Variants in TNNI3K observed in about 807,000 individuals in gnomAD.
TNNI3K encodes TNNI3 interacting kinase.
A neutral mutation model predicts 114.5 loss-of-function variants in TNNI3K; 140 were observed. The ratio of observed to expected loss-of-function variants is 1.22; its 90% CI spans 1.07 to 1.41. The LOEUF (loss-of-function observed/expected upper bound fraction) is 1.41. TNNI3K is among the 40% of genes most tolerant of loss of function. The probability of loss-of-function intolerance (pLI) is 0.00; values close to 1 mark genes in which losing one functional copy is unlikely to be tolerated. For missense variants in TNNI3K, 1,125 were observed against 1,007.6 expected, an observed-to-expected ratio of 1.12 and a Z score of -1.58; for synonymous variants, 347 against 347.5, an observed-to-expected ratio of 1.00 and a Z score of 0.02.
intron 2 of TNNI3K, among the ~76,000 whole-genome samples, chr1:74,245,922 C>G (rs995974282): frequency 6.6e-6 from 1 of 152,176 alleles, no homozygotes; most frequent in Non-Finnish European, 1.5e-5. Flanking sequence ...GGGAAACACA[C>G]CTCAACTTGC....
intron 23 of TNNI3K, among the ~76,000 whole-genome samples, chr1:74,525,479 C>A (rs1337556704): frequency 6.6e-6 from 1 of 152,092 alleles, no homozygotes; most frequent in Non-Finnish European, 1.5e-5. Context: ...GACCACTTGG[C>A]CAACTGCATA....
chr1:74,247,023 A>G (rs1286050540), intron 2 of TNNI3K, among the ~76,000 whole-genome samples: 3 of 152,198 alleles, frequency 2.0e-5, no homozygotes, highest in Non-Finnish European at 4.4e-5. Flanking sequence ...AAAATAATAT[A>G]TGTGACAATA....
intron 2 of TNNI3K, among the ~76,000 whole-genome samples, chr1:74,245,149 G>A (rs944210174): frequency 6.6e-6 from 1 of 152,118 alleles, no homozygotes; most frequent in South Asian, 2.1e-4. Flanking sequence ...AGAAAGGTGG[G>A]GGGAAGTAGC....
At chr1:74,355,025 A>C (rs1661577889) in intron 11 of TNNI3K, among the ~76,000 whole-genome samples, 1 of 152,144 alleles carries the variant, frequency 6.6e-6, no homozygotes, top group South Asian at 2.1e-4. Context: ...ATACACATAC[A>C]CTCCTAAGGA....
At chr1:74,313,012 C>A (rs111538342) in intron 5 of TNNI3K, among the ~76,000 whole-genome samples, 1 of 152,206 alleles carries the variant, frequency 6.6e-6, no homozygotes, top group African/African-American at 2.4e-5. Context: ...AGTATTCAAA[C>A]AGCCTCAGTC....
chr1:74,446,257 T>C (rs376007497), intron 20 of TNNI3K, among the ~76,000 whole-genome samples: 1 of 151,138 alleles, frequency 6.6e-6, no homozygotes, highest in Non-Finnish European at 1.5e-5. Flanking sequence ...TGGTATCTCA[T>C]AGTGGTTTTG....
chr1:74,325,694 G>T (rs1231713914), intron 5 of TNNI3K, among the ~76,000 whole-genome samples: 1 of 152,090 alleles, frequency 6.6e-6, no homozygotes, highest in Middle Eastern at 3.2e-3. Flanking sequence ...TAGGAGGTGA[G>T]GAAAGGTAGA....
At chr1:74,536,875 A>G (rs1018381134) in intron 23 of TNNI3K, among the ~76,000 whole-genome samples, 48 of 152,132 alleles carry the variant, frequency 3.2e-4, no homozygotes, top group African/African-American at 1.2e-3. Flanking sequence ...ACTGACCACA[A>G]TTTCAGCAAA....
At chr1:74,519,012 C>A (rs1285191074) in intron 23 of TNNI3K, among the ~76,000 whole-genome samples, 2 of 115,170 alleles carry the variant, frequency 1.7e-5, no homozygotes, top group African/African-American at 8.6e-5. Flanking sequence ...AGGTATATCT[C>A]CCAATGCTAT....
intron 17 of TNNI3K, among the ~76,000 whole-genome samples, chr1:74,381,723 C>A (rs1383961893): frequency 6.6e-6 from 1 of 152,122 alleles, no homozygotes; most frequent in African/African-American, 2.4e-5. Flanking sequence ...TAGACAGAAG[C>A]AGATCTGGAA....
chr1:74,505,823 GA>G (rs1296840712), intron 23 of TNNI3K, among the ~76,000 whole-genome samples: 1 of 152,128 alleles, frequency 6.6e-6, no homozygotes, highest in Non-Finnish European at 1.5e-5. Flanking sequence ...AACCAAAGTG[GA>G]ATGAAAATCT....
intron 21 of TNNI3K, among the ~76,000 whole-genome samples, chr1:74,478,391 G>C (rs1313649347): frequency 1.3e-5 from 2 of 152,014 alleles, no homozygotes; most frequent in African/African-American, 4.8e-5. Context: ...GAATCTTCTA[G>C]AATTTGTATT....
chr1:74,411,057 A>G (rs1349674060), intron 17 of TNNI3K, among the ~76,000 whole-genome samples: 1 of 152,204 alleles, frequency 6.6e-6, no homozygotes, highest in Admixed American at 6.5e-5. Context: ...AAAAAGTTCT[A>G]ATGATCTTCC....
intron 21 of TNNI3K, chr1:74,475,721 A>C (rs1441415066): frequency 1.4e-6 from 1 of 694,956 alleles, no homozygotes; most frequent in Non-Finnish European, 2.7e-6. Context: ...GTTCTGCAAC[A>C]AAGGTTTTCT....
At chr1:74,465,283 G>A (rs1054487511) in intron 21 of TNNI3K, among the ~76,000 whole-genome samples, 2 of 152,212 alleles carry the variant, frequency 1.3e-5, no homozygotes, top group African/African-American at 2.4e-5. Flanking sequence ...TGTGGAGGGA[G>A]AGGCGCAGGA....
At chr1:74,417,946 A>C (rs531828346) in intron 17 of TNNI3K, among the ~76,000 whole-genome samples, 86 of 152,262 alleles carry the variant, frequency 5.6e-4, no homozygotes, top group African/African-American at 2.0e-3. Flanking sequence ...CAACATGTGT[A>C]TTGATGAGAC....
At position 74,342,997 on chromosome 1, in the gene TNNI3K, T is replaced by C. The variant is rs148757567; in HGVS notation, c.827+11T>C. ...TACCCCCTTACACCTGTGAGTATTA[T>C]GTAGCATTCCATAGGTTCTCCAGGT... On this transcript the variant is annotated intron_variant, in intron 8 of 24. Transcript: ENST00000326637. 1,150 of 1,613,800 alleles carry C rather than the reference T, an allele frequency of 7.1e-4. 16 individuals carry two copies. In the East Asian group the frequency reaches 0.02, roughly 28 times the overall value.
chr1:74,405,199 T>A (rs1157793404), intron 17 of TNNI3K, among the ~76,000 whole-genome samples: 1 of 151,914 alleles, frequency 6.6e-6, no homozygotes, highest in Non-Finnish European at 1.5e-5. Flanking sequence ...ATTCAGGTGA[T>A]GAGTAAAGAC....
At chr1:74,393,176 A>C (rs1306454320) in intron 17 of TNNI3K, among the ~76,000 whole-genome samples, 3 of 152,126 alleles carry the variant, frequency 2.0e-5, no homozygotes, top group African/African-American at 7.2e-5. Flanking sequence ...AGTTTTCTTC[A>C]ATTTTATTCT....
Sources: allele counts gnomAD v4.1 joint callset (sites outside exome capture counted in the v4.1 genomes callset), GRCh38; gene constraint gnomAD v4.1.1; transcripts MANE v1.5; gene names NCBI Gene and HGNC (gene_info 2026-07-23, HGNC 2026-07-21).